YTHDF1: variants seen among roughly 807,000 people sequenced by gnomAD.
YTHDF1 encodes YTH N6-methyladenosine RNA binding protein F1.
Under a neutral mutation model 49.1 loss-of-function variants are expected in YTHDF1, and 16 were observed. That is an observed-to-expected ratio of 0.33 (90% CI 0.22 to 0.49). The LOEUF is 0.49. Among genes scored for constraint, YTHDF1 ranks in the 20% least tolerant of loss-of-function variants. The probability of loss-of-function intolerance (pLI) is 0.99; values close to 1 mark genes in which losing one functional copy is unlikely to be tolerated. For missense variants in YTHDF1, 621 were observed against 744.3 expected (o/e 0.83, Z 1.93); for synonymous variants, 313 against 290.1 (o/e 1.08, Z -0.80).
intron 4 of YTHDF1, among the ~76,000 whole-genome samples, chr20:63,199,117 A>G (rs1355814208): frequency 1.3e-5 from 2 of 152,224 alleles, no homozygotes; most frequent in African/African-American, 4.8e-5. Flanking sequence ...GATAAAGAAA[A>G]GGTGGGTCTG....
At chr20:63,199,905 C>G (rs944067132) in intron 4 of YTHDF1, among the ~76,000 whole-genome samples, 1 of 151,632 alleles carries the variant, frequency 6.6e-6, no homozygotes, top group African/African-American at 2.4e-5. Flanking sequence ...CAAAAAAATA[C>G]AAAAATTAGC....
chr20:63,213,635 C>T (rs905038061), intron 3 of YTHDF1, among the ~76,000 whole-genome samples: 2 of 152,184 alleles, frequency 1.3e-5, no homozygotes, highest in Non-Finnish European at 2.9e-5. Context: ...GACCTGTTTG[C>T]ATCCCAGCCC....
chr20:63,213,529 A>G (rs1416352382), intron 3 of YTHDF1, among the ~76,000 whole-genome samples: 1 of 152,136 alleles, frequency 6.6e-6, no homozygotes, highest in Non-Finnish European at 1.5e-5. Context: ...AATCATCCAG[A>G]GCTAAGAATA....
At chr20:63,215,540 C>T (rs1427572575) in intron 2 of YTHDF1, 37 bp downstream of exon 2, 3 of 1,613,532 alleles carry the variant, frequency 1.9e-6, no homozygotes, top group African/African-American at 1.3e-5. Context: ...TCCTCCTCCA[C>T]TCCAGCCCGC....
intron 4 of YTHDF1, among the ~76,000 whole-genome samples, chr20:63,198,040 C>T (rs2066500453): frequency 6.6e-6 from 1 of 152,106 alleles, no homozygotes; most frequent in South Asian, 2.1e-4. Context: ...GCAGGTCCTA[C>T]TCTTAAGAAT....
chr20:63,215,832 C>T, intron 1 of YTHDF1, 34 bp downstream of exon 1: 2 of 1,454,642 alleles, frequency 1.4e-6, no homozygotes, highest in Middle Eastern at 2.4e-4. Context: ...GCGCCTCGGC[C>T]CCGGCCGCGG....
chr20:63,211,894 C>G (rs2066575947), intron 3 of YTHDF1, among the ~76,000 whole-genome samples: 1 of 151,314 alleles, frequency 6.6e-6, no homozygotes, highest in African/African-American at 2.4e-5. Context: ...GAATTTGAGG[C>G]TACAGTGAGC....
At chr20:63,204,948 C>T (rs1248809484) in intron 3 of YTHDF1, among the ~76,000 whole-genome samples, 1 of 151,922 alleles carries the variant, frequency 6.6e-6, no homozygotes, top group Non-Finnish European at 1.5e-5. Context: ...AGACGGGGTC[C>T]AGTGTGAGGT....
intron 3 of YTHDF1, among the ~76,000 whole-genome samples, chr20:63,208,874 G>A (rs1360012704): frequency 6.6e-6 from 1 of 152,112 alleles, no homozygotes; most frequent in Non-Finnish European, 1.5e-5. Context: ...ATTGTGTTCA[G>A]TGAAAAAAAA....
intron 3 of YTHDF1, among the ~76,000 whole-genome samples, chr20:63,206,686 C>T (rs766632507): frequency 3.9e-5 from 6 of 152,254 alleles, no homozygotes; most frequent in Non-Finnish European, 8.8e-5. Context: ...GATACAGTGA[C>T]CTGGGGTTCT....
chr20:63,208,554 C>G (rs1190725758), intron 3 of YTHDF1, among the ~76,000 whole-genome samples: 5 of 152,240 alleles, frequency 3.3e-5, no homozygotes, highest in African/African-American at 1.2e-4. Context: ...TATGCAGAGA[C>G]AGCAGTTTCT....
Position 63,203,419 on chromosome 20 carries a change from A to T in YTHDF1, c.521T>A (p.Leu174His), listed in dbSNP as rs1308866336. ...DGQPGFHSDTLSKAPGMNSLE... is the reference protein window; with the variant it reads ...DGQPGFHSDTHSKAPGMNSLE... ...GCTGTTCATCCCGGGGGCCTTGCTG[A>T]GGGTGTCGCTGTGAAAGCCTGGCTG... is the stretch of plus-strand genomic sequence containing the variant. The change falls in exon 4 of 5, where the codon CTC (leucine) becomes CAC (histidine). Residue 174 changes from leucine (L) to histidine (H), a missense_variant. Transcript: ENST00000370339. This position sits in a 1 kb window ranked among gnomAD's most constrained non-coding sequence, Gnocchi z 4.4. 6.2e-7 allele frequency: 1 copy of T among 1,612,788 alleles called. No individual in the cohort carries two copies. Among genetic ancestry groups the T allele is most frequent in the Non-Finnish European group, 8.5e-7 (1 of 1,179,602 alleles).
At position 63,202,509 on chromosome 20, in the gene YTHDF1, C is replaced by G. The variant is rs776422308; in HGVS notation, c.1431G>C (p.Gln477His). Reference sequence around the variant, plus strand: ...TGGGTACATCCTTAACAAAAATCCACTGGACATCAAACTTCCCCTTCCACT... The same window carrying G: ...TGGGTACATCCTTAACAAAAATCCAGTGGACATCAAACTTCCCCTTCCACT... Reference protein sequence around the residue: ...QDKWKGKFDVQWIFVKDVPNN... With the variant: ...QDKWKGKFDVHWIFVKDVPNN... Residue 477 changes from glutamine to histidine, a missense_variant, in exon 4 of 5, where the codon CAG becomes CAC. Around this residue, in one of 2 missense-constraint regions of YTHDF1, gnomAD observed 151 missense variants for 248.5 expected, o/e 0.61. Coordinates refer to ENST00000370339, the MANE Select transcript of YTHDF1 (RefSeq NM_017798.4). The G allele has an allele frequency of 1.4e-5, 22 of 1,614,120 alleles. No individual in the cohort carries two copies. The highest frequency in any genetic ancestry group is 2.2e-5 in the South Asian group (2 of 91,092).
chr20:63,203,649 A>G lies in YTHDF1; in HGVS notation c.291T>C (p.His97=). ...CAAAAACAGCATCGTGCATAAAATG[A>G]TGGTCTCCGTTACTGAGCTGTCCGT... The part of the protein sequence containing the change: ...TTYGQLSNGD[H]HFMHDAVFGQ... Residue 97 remains histidine, a synonymous_variant, in exon 4 of 5, where the codon CAT becomes CAC. Coordinates refer to ENST00000370339, the MANE Select transcript of YTHDF1 (RefSeq NM_017798.4). This position sits in a 1 kb window ranked among gnomAD's most constrained non-coding sequence, Gnocchi z 4.4. 6.2e-7 allele frequency: 1 copy of G among 1,614,122 alleles called. No homozygotes were observed. The highest frequency in any genetic ancestry group is 8.5e-7 in the Non-Finnish European group (1 of 1,180,032).
intron 3 of YTHDF1, among the ~76,000 whole-genome samples, chr20:63,213,576 G>C (rs2066586400): frequency 6.6e-6 from 1 of 152,124 alleles, no homozygotes. Flanking sequence ...CACCTCCACT[G>C]CGTCAAAGGC....
chr20:63,214,167 G>C, intron 2 of YTHDF1: 2 of 945,262 alleles, frequency 2.1e-6, no homozygotes, highest in Non-Finnish European at 2.5e-6. Context: ...AGGCTTAATC[G>C]TAATTTGGTG....
intron 2 of YTHDF1, 24 bp downstream of exon 2, chr20:63,215,553 C>A: frequency 6.2e-7 from 1 of 1,613,634 alleles, no homozygotes; most frequent in Non-Finnish European, 8.5e-7. Flanking sequence ...CAGCCCGCGC[C>A]GGCCGTCCCG....
intron 3 of YTHDF1, among the ~76,000 whole-genome samples, chr20:63,212,454 G>C (rs1378702817): frequency 6.6e-6 from 1 of 152,248 alleles, no homozygotes; most frequent in Non-Finnish European, 1.5e-5. Flanking sequence ...CCCAGTAGCT[G>C]AGGGCTACTT....
At chr20:63,202,054 C>T (rs776652616) in intron 4 of YTHDF1, among the ~76,000 whole-genome samples, 6 of 152,278 alleles carry the variant, frequency 3.9e-5, no homozygotes, top group Non-Finnish European at 5.9e-5. Context: ...TGATCAAAGT[C>T]GTTCGGTGAC....
Sources: gnomAD v4.1 joint callset for allele counts (sites outside exome capture counted in the v4.1 genomes callset) on GRCh38, gnomAD v4.1.1 for gene constraint, gnomAD v4.1.1 regional missense constraint, Gnocchi (gnomAD v3.1) non-coding constraint, MANE v1.5 for transcripts, NCBI Gene and HGNC (gene_info 2026-07-23, HGNC 2026-07-21) for gene names.